GAS2: variants seen among roughly 807,000 people sequenced by gnomAD.
The protein encoded by GAS2 is growth arrest-specific protein 2.
A neutral mutation model predicts 37.5 loss-of-function variants in GAS2; 20 were observed. The ratio of observed to expected loss-of-function variants is 0.53; its 90% CI spans 0.37 to 0.77. The LOEUF is 0.77. Among genes scored for constraint, GAS2 ranks in the 30% least tolerant of loss-of-function variants. GAS2 has a pLI of 0.00. For missense variants in GAS2, 336 were observed against 373.4 expected (o/e 0.90, Z 0.82); for synonymous variants, 144 against 132.2 (o/e 1.09, Z -0.61).
upstream of GAS2, among the ~76,000 whole-genome samples, chr11:22,663,660 G>A (rs1057444704): frequency 1.3e-4 from 20 of 152,044 alleles, no homozygotes; most frequent in Non-Finnish European, 2.2e-4. Context: ...TTGCATATTA[G>A]ATGGAGAGTA....
In GAS2 at chr11:22,640,820, GA is replaced by G. The variant is rs199760518; in HGVS notation, c.-21+15012del. 9.4e-3 allele frequency among the ~76,000 whole-genome samples: 1,426 copies of G among 152,230 alleles called. 30 individuals are homozygous for G. Among genetic ancestry groups the G allele is most frequent in the African/African-American group, 0.033 (1,362 of 41,544 alleles). On this transcript the variant is annotated intron_variant, in intron 1 of 5. Transcript: ENST00000528582. ...TGGTTGACTGCCTATGCTTTGGTCT[GA>G]AAAAGTTTGTGAATTACTGCTCTAA...
chr11:22,700,538 C>T (rs1294615961), intron 3 of GAS2, among the ~76,000 whole-genome samples: 3 of 152,116 alleles, frequency 2.0e-5, no homozygotes, highest in South Asian at 2.1e-4. Context: ...GCTGAAGTAA[C>T]AGACCATGGG....
At chr11:22,645,729 T>C (rs111475264) in intron 1 of GAS2, among the ~76,000 whole-genome samples, 1 of 152,020 alleles carries the variant, frequency 6.6e-6, no homozygotes, top group African/African-American at 2.4e-5. Context: ...TTAGTCAAAA[T>C]TGTAAATTTT....
rs747634423 is a variant in GAS2, at chr11:22,674,943, T to C, written c.74T>C (p.Leu25Pro). 3 of 1,613,956 alleles carry C rather than the reference T, an allele frequency of 1.9e-6. No individual in the cohort carries two copies. Among genetic ancestry groups the C allele is most frequent in the Non-Finnish European group, 2.5e-6 (3 of 1,179,894 alleles). Reference sequence around the variant, plus strand: ...GATATGCATCAGTATAGCCAATGGCTAGCCAGCAGACATGAAGCTAATTTG... The same window carrying C: ...GATATGCATCAGTATAGCCAATGGCCAGCCAGCAGACATGAAGCTAATTTG... ...LSDMHQYSQW[L>P]ASRHEANLLP... Residue 25 changes from leucine to proline, a missense_variant, in exon 2 of 8, where the codon CTA becomes CCA. By Grantham distance (98) the Leu-to-Pro change is moderately conservative. Transcript: ENST00000454584.
In GAS2 at chr11:22,749,194, C is replaced by G; in HGVS notation, c.548C>G (p.Ser183Cys). Residue 183 changes from serine to cysteine, a missense_variant, in exon 6 of 8, where the codon TCT becomes TGT. Transcript: ENST00000454584. ...IEQEETLSAPSPSPSPSSKSS... is the reference protein window; with the variant it reads ...IEQEETLSAPCPSPSPSSKSS... Reference sequence around the variant, plus strand: ...CAAGAAGAAACACTTTCTGCCCCTTCTCCTTCACCTTCTCCTTCATCAAAG... The same window carrying G: ...CAAGAAGAAACACTTTCTGCCCCTTGTCCTTCACCTTCTCCTTCATCAAAG... 1.9e-6 allele frequency: 3 copies of G among 1,612,610 alleles called. No homozygotes were observed. The highest frequency in any genetic ancestry group is 1.3e-5 in the African/African-American group (1 of 74,960).
In GAS2 at chr11:22,755,952, G is replaced by C; in HGVS notation, c.722G>C (p.Arg241Thr). The C allele has an allele frequency of 1.9e-6, 3 of 1,597,258 alleles. No homozygotes were observed. Among genetic ancestry groups the C allele is most frequent in the Non-Finnish European group, 1.7e-6 (2 of 1,166,520 alleles). ...GTGGGAGAAAAGATCCTCTTCATTA[G>C]GGTAAAGTTTTACTTTTCACTTATC... ...YRVGEKILFI[R>T]MLHNKHVMVR... is the part of the protein sequence containing the mutation. Residue 241 changes from arginine (R) to threonine (T), a missense_variant and splice_region_variant, in exon 7 of 8, where the codon AGG (arginine) becomes ACG (threonine). Transcript: ENST00000454584.
At chr11:22,726,885 C>T (rs568299229) in intron 4 of GAS2, among the ~76,000 whole-genome samples, 3 of 152,122 alleles carry the variant, frequency 2.0e-5, no homozygotes, top group Non-Finnish European at 2.9e-5. Context: ...CTTTATTGAA[C>T]GTACAGATTA....
Position 22,755,869 on chromosome 11 carries a change from T to A in GAS2, c.639T>A (p.Pro213=). ...DDAVKRISED[P]PCKCPNKFCV... The stretch of plus-strand genomic sequence containing the variant: ...AGGTGAAACGAATTTCTGAAGATCC[T>A]CCTTGCAAATGCCCAAACAAGTTCT... Residue 213 remains proline (P), a synonymous_variant, in exon 7 of 8, where the codon CCT becomes CCA. Transcript: ENST00000454584. 1 of 1,612,994 alleles carries A rather than the reference T, an allele frequency of 6.2e-7. No homozygotes were observed. Among genetic ancestry groups the A allele is most frequent in the Non-Finnish European group, 8.5e-7 (1 of 1,179,190 alleles).
intron 1 of GAS2, among the ~76,000 whole-genome samples, chr11:22,657,455 T>C (rs542913455): frequency 3.9e-5 from 6 of 152,228 alleles, no homozygotes; most frequent in Admixed American, 3.9e-4. Flanking sequence ...GGTGAGTGCA[T>C]AGTAGCTCAG....
At chr11:22,686,182 A>G (rs960903764) in intron 3 of GAS2, among the ~76,000 whole-genome samples, 1 of 152,212 alleles carries the variant, frequency 6.6e-6, no homozygotes, top group Non-Finnish European at 1.5e-5. Flanking sequence ...ATACTAGAAC[A>G]AAATTTCTGG....
Position 22,755,864 on chromosome 11 carries a change from G to T in GAS2, c.634G>T (p.Asp212Tyr), listed in dbSNP as rs1854001553. 1 of 1,612,716 alleles carries T rather than the reference G, an allele frequency of 6.2e-7. No individual in the cohort carries two copies. The highest frequency in any genetic ancestry group is 1.7e-5 in the Admixed American group (1 of 59,898). ...ATTTCAGGTGAAACGAATTTCTGAAGATCCTCCTTGCAAATGCCCAAACAA... is the reference window on the plus strand; with the variant it reads ...ATTTCAGGTGAAACGAATTTCTGAATATCCTCCTTGCAAATGCCCAAACAA... ...LDDAVKRISE[D>Y]PPCKCPNKFC... Residue 212 changes from aspartate to tyrosine, a missense_variant, in exon 7 of 8, where the codon GAT (aspartate) becomes TAT (tyrosine). Physicochemically the swap from Asp to Tyr is radical, Grantham distance 160. Coordinates refer to ENST00000454584, the MANE Select transcript of GAS2 (RefSeq NM_001143830.3).
chr11:22,660,817 T>G (rs570389099), intron 1 of GAS2, among the ~76,000 whole-genome samples: 1 of 152,338 alleles, frequency 6.6e-6, no homozygotes, highest in South Asian at 2.1e-4. Flanking sequence ...AAAGCCCCAC[T>G]GACACTGACC....
intron 3 of GAS2, among the ~76,000 whole-genome samples, chr11:22,698,160 G>T (rs1435679473): frequency 6.6e-6 from 1 of 152,104 alleles, no homozygotes; most frequent in South Asian, 2.1e-4. Flanking sequence ...GAATCAAATA[G>T]ATGCAATAAA....
chr11:22,767,461 G>A (rs150984585), intron 7 of GAS2, among the ~76,000 whole-genome samples: 99 of 151,932 alleles, frequency 6.5e-4, no homozygotes, highest in African/African-American at 2.0e-3. Flanking sequence ...ATGTCTACTC[G>A]CAATGTTTGT....
chr11:22,700,931 T>A (rs1056863501), intron 3 of GAS2, among the ~76,000 whole-genome samples: 3 of 152,152 alleles, frequency 2.0e-5, no homozygotes, highest in Non-Finnish European at 4.4e-5. Flanking sequence ...AAAGATGAAA[T>A]CATTTTTTTT....
intron 1 of GAS2, among the ~76,000 whole-genome samples, chr11:22,669,316 C>T (rs1849111349): frequency 1.3e-5 from 2 of 151,922 alleles, no homozygotes; most frequent in South Asian, 4.2e-4. Context: ...AATTATGTTC[C>T]AAGCTAATCT....
chr11:22,811,694 C>A, intron 7 of GAS2, 104 bp from the exon 8 acceptor site: 1 of 1,075,234 alleles, frequency 9.3e-7, no homozygotes, highest in Non-Finnish European at 1.4e-6. Context: ...AACAATGGGT[C>A]ATGAAATACA....
intron 1 of GAS2, among the ~76,000 whole-genome samples, chr11:22,648,718 C>A (rs1000294215): frequency 6.6e-6 from 1 of 152,160 alleles, no homozygotes; most frequent in Non-Finnish European, 1.5e-5. Flanking sequence ...TGATTTGGCT[C>A]TCTGTTTGTC....
upstream of GAS2, among the ~76,000 whole-genome samples, chr11:22,666,137 G>C (rs988373767): frequency 5.3e-5 from 8 of 152,222 alleles, no homozygotes; most frequent in Non-Finnish European, 1.2e-4. Context: ...AACAGTTGGA[G>C]ACAATTGTCT....
Sources: allele counts gnomAD v4.1 joint callset (sites outside exome capture counted in the v4.1 genomes callset), GRCh38; gene constraint gnomAD v4.1.1; transcripts MANE v1.5; gene names NCBI Gene and HGNC (gene_info 2026-07-23, HGNC 2026-07-21).